SYT1: variants seen among roughly 807,000 people sequenced by gnomAD.
SYT1 encodes the protein synaptotagmin-1.
SYT1 carries 8 observed loss-of-function variants against 44.8 expected under a neutral mutation model. The observed-to-expected ratio is 0.18, with a 90% CI of 0.10 to 0.32. The LOEUF (loss-of-function observed/expected upper bound fraction) is 0.32, where lower values mean the gene tolerates loss of function less well. Ranked by LOEUF, SYT1 falls within the 10% of genes least tolerant of loss-of-function variation. SYT1 has a pLI of 1.00. For missense variants in SYT1, 286 were observed against 509.3 expected, an observed-to-expected ratio of 0.56 and a Z score of 4.22; for synonymous variants, 154 against 188.8, an observed-to-expected ratio of 0.82 and a Z score of 1.51.
intron 4 of SYT1, among the ~76,000 whole-genome samples, chr12:79,223,854 A>G (rs1199849550): frequency 3.3e-5 from 5 of 152,142 alleles, no homozygotes; most frequent in Non-Finnish European, 7.3e-5. Flanking sequence ...TTTACTGTGC[A>G]GTTGCAATGC....
chr12:78,967,048 A>T (rs17046137), intron 1 of SYT1, among the ~76,000 whole-genome samples: 1 of 152,132 alleles, frequency 6.6e-6, no homozygotes, highest in Non-Finnish European at 1.5e-5. Context: ...ATAGAGCATC[A>T]CATCTCAGTC....
intron 3 of SYT1, among the ~76,000 whole-genome samples, chr12:79,137,105 T>TC (rs1869242106): frequency 6.6e-6 from 1 of 151,684 alleles, no homozygotes; most frequent in Admixed American, 6.6e-5. Context: ...TTTTTTTTTT[T>TC]CCTCCCCAAG....
intron 1 of SYT1, among the ~76,000 whole-genome samples, chr12:78,896,874 G>A (rs1306012742): frequency 6.6e-6 from 1 of 151,638 alleles, no homozygotes; most frequent in African/African-American, 2.4e-5. Context: ...AGATAATAAG[G>A]AATCTTAAAA....
chr12:79,215,559 G>T (rs557727903), intron 3 of SYT1, among the ~76,000 whole-genome samples: 1 of 152,238 alleles, frequency 6.6e-6, no homozygotes, highest in South Asian at 2.1e-4. Context: ...GCCAGGTGCG[G>T]TGGCTCACAC....
At chr12:79,303,434 G>A (rs1335487983) in intron 8 of SYT1, among the ~76,000 whole-genome samples, 1 of 151,440 alleles carries the variant, frequency 6.6e-6, no homozygotes, top group Non-Finnish European at 1.5e-5. Flanking sequence ...GCCCTGATAT[G>A]CTGCAAGCTC....
intron 4 of SYT1, among the ~76,000 whole-genome samples, chr12:79,220,602 A>G (rs542350644): frequency 6.6e-6 from 1 of 151,986 alleles, no homozygotes; most frequent in Non-Finnish European, 1.5e-5. Context: ...AGGTTTTGCT[A>G]TATTGTGTTT....
intron 2 of SYT1, among the ~76,000 whole-genome samples, chr12:78,988,655 A>T (rs974991263): frequency 3.0e-4 from 45 of 151,916 alleles, no homozygotes; most frequent in African/African-American, 1.1e-3. Context: ...GTGTAGAGTG[A>T]GTGAGGAAAT....
At chr12:79,329,111 G>A (rs1881742210) in intron 8 of SYT1, among the ~76,000 whole-genome samples, 1 of 152,130 alleles carries the variant, frequency 6.6e-6, no homozygotes, top group African/African-American at 2.4e-5. Flanking sequence ...GAGGGGTTAA[G>A]TGGAAAATGA....
At chr12:78,936,717 G>T (rs1878081365) in intron 1 of SYT1, among the ~76,000 whole-genome samples, 1 of 152,072 alleles carries the variant, frequency 6.6e-6, no homozygotes, top group South Asian at 2.1e-4. Flanking sequence ...CAAGACTATT[G>T]CAGTAGGAAA....
At chr12:79,095,362 T>G (rs1878055592) in intron 3 of SYT1, among the ~76,000 whole-genome samples, 1 of 151,976 alleles carries the variant, frequency 6.6e-6, no homozygotes, top group Non-Finnish European at 1.5e-5. Flanking sequence ...GGATTTTAAC[T>G]TTGTTCTAAA....
At chr12:78,990,451 A>G (rs1869941789) in intron 2 of SYT1, among the ~76,000 whole-genome samples, 1 of 152,200 alleles carries the variant, frequency 6.6e-6, no homozygotes. Context: ...TATCTGGTTT[A>G]CACTGTCTTT....
intron 9 of SYT1, among the ~76,000 whole-genome samples, chr12:79,358,234 C>T (rs574919101): frequency 2.6e-5 from 4 of 152,044 alleles, no homozygotes; most frequent in East Asian, 1.9e-4. Context: ...AGGACATGGC[C>T]GTTTAAAGAA....
chr12:79,073,629 G>A (rs1426508939), intron 3 of SYT1, among the ~76,000 whole-genome samples: 1 of 152,146 alleles, frequency 6.6e-6, no homozygotes, highest in Non-Finnish European at 1.5e-5. Flanking sequence ...CAGAAGAATG[G>A]TAGGTCTCTC....
At chr12:78,905,042 CT>C (rs1875886554) in intron 1 of SYT1, among the ~76,000 whole-genome samples, 1 of 152,034 alleles carries the variant, frequency 6.6e-6, no homozygotes, top group Non-Finnish European at 1.5e-5. Context: ...AAAACTGTAG[CT>C]TTTTTGTTGT....
intron 3 of SYT1, among the ~76,000 whole-genome samples, chr12:79,054,288 C>T (rs974982043): frequency 3.9e-5 from 6 of 151,914 alleles, no homozygotes; most frequent in South Asian, 2.1e-4. Flanking sequence ...AATGTGCACA[C>T]GTTACTTTTC....
At chr12:78,905,066 C>T (rs1875888606) in intron 1 of SYT1, among the ~76,000 whole-genome samples, 1 of 151,990 alleles carries the variant, frequency 6.6e-6, no homozygotes, top group South Asian at 2.1e-4. Flanking sequence ...TTGTTCTTAC[C>T]TGAATACATC....
chr12:79,193,877 CT>C (rs1056900399), intron 3 of SYT1, among the ~76,000 whole-genome samples: 7 of 151,728 alleles, frequency 4.6e-5, no homozygotes, highest in Non-Finnish European at 1.0e-4. Context: ...TTTATTTTTT[CT>C]TACTTCTTAG....
chr12:78,978,553 A>T (rs1405033208), intron 2 of SYT1, among the ~76,000 whole-genome samples: 1 of 152,216 alleles, frequency 6.6e-6, no homozygotes, highest in Admixed American at 6.5e-5. Flanking sequence ...ATTCCATCAA[A>T]TTCAATTACC....
intron 1 of SYT1, among the ~76,000 whole-genome samples, chr12:78,899,351 A>G (rs1019860754): frequency 1.2e-4 from 19 of 152,022 alleles, no homozygotes; most frequent in Non-Finnish European, 2.8e-4. Flanking sequence ...CAGAATGTCA[A>G]TTAGAGGAAT....
Sources: gnomAD v4.1 joint callset for allele counts (sites outside exome capture counted in the v4.1 genomes callset) on GRCh38, gnomAD v4.1.1 for gene constraint, MANE v1.5 for transcripts, NCBI Gene and HGNC (gene_info 2026-07-23, HGNC 2026-07-21) for gene names.